Variants in FILIP1L observed in about 807,000 individuals in gnomAD.
FILIP1L encodes the protein filamin A-interacting protein 1-like.
A neutral mutation model predicts 96.6 loss-of-function variants in FILIP1L; 55 were observed. The ratio of observed to expected loss-of-function variants is 0.57; its 90% CI spans 0.46 to 0.71. FILIP1L has a LOEUF of 0.71. Among genes scored for constraint, FILIP1L ranks in the 30% least tolerant of loss-of-function variants. The pLI, the probability that FILIP1L is intolerant of heterozygous loss-of-function variation, is 0.00. For synonymous variants in FILIP1L, 467 were observed against 473.9 expected (o/e 0.99, Z 0.19); for missense variants, 1,304 against 1,321.2 (o/e 0.99, Z 0.20).
intron 1 of FILIP1L, among the ~76,000 whole-genome samples, chr3:100,043,714 T>G (rs569394962): frequency 8.5e-5 from 13 of 152,362 alleles, no homozygotes; most frequent in African/African-American, 2.9e-4. Flanking sequence ...ATTTAGGGGA[T>G]ACAATGTGAT....
intron 4 of FILIP1L, among the ~76,000 whole-genome samples, chr3:99,912,763 A>G (rs1706832749): frequency 6.6e-6 from 1 of 152,178 alleles, no homozygotes; most frequent in Admixed American, 6.5e-5. Flanking sequence ...GTTGATGGAC[A>G]TTTGGGTTGT....
chr3:100,060,739 G>A (rs2107343446), intron 1 of FILIP1L, among the ~76,000 whole-genome samples: 1 of 152,208 alleles, frequency 6.6e-6, no homozygotes, highest in South Asian at 2.1e-4. Flanking sequence ...GTGTGTGCCT[G>A]TAGTCCCAGC....
At chr3:99,977,602 C>A (rs990463345) in intron 1 of FILIP1L, among the ~76,000 whole-genome samples, 11 of 151,948 alleles carry the variant, frequency 7.2e-5, no homozygotes, top group Admixed American at 7.2e-4. Context: ...ATTTCAACAA[C>A]AAAAAAATTA....
chr3:99,966,498 C>T (rs1311923422), intron 1 of FILIP1L, among the ~76,000 whole-genome samples: 2 of 152,096 alleles, frequency 1.3e-5, no homozygotes, highest in Non-Finnish European at 2.9e-5. Flanking sequence ...TTGTGCAGAG[C>T]CCCGTCAAAA....
intron 1 of FILIP1L, among the ~76,000 whole-genome samples, chr3:100,062,445 C>A (rs1473935436): frequency 1.3e-5 from 2 of 152,060 alleles, no homozygotes; most frequent in Admixed American, 6.5e-5. Context: ...ATTTTGAGCC[C>A]TTTAAGCCTT....
intron 1 of FILIP1L, among the ~76,000 whole-genome samples, chr3:100,017,138 GT>G (rs1170970756): frequency 6.6e-6 from 1 of 152,054 alleles, no homozygotes; most frequent in Non-Finnish European, 1.5e-5. Context: ...GAAAATGTTT[GT>G]CATCAAAAAT....
intron 1 of FILIP1L, among the ~76,000 whole-genome samples, chr3:99,983,478 A>ATGTGTATGTG (rs1265189911): frequency 5.9e-4 from 13 of 22,136 alleles, no homozygotes; most frequent in Admixed American, 2.6e-3. Flanking sequence ...ATATATATAT[A>ATGTGTATGTG]TATATATATA....
At chr3:100,030,168 T>A (rs561685773) in intron 1 of FILIP1L, among the ~76,000 whole-genome samples, 1 of 152,276 alleles carries the variant, frequency 6.6e-6, no homozygotes, top group East Asian at 1.9e-4. Flanking sequence ...AGGACTGAAA[T>A]TGGAATTTGG....
At chr3:99,983,389 A>AATATATATATATATATAT (rs397990626) in intron 1 of FILIP1L, among the ~76,000 whole-genome samples, 1 of 40,786 alleles carries the variant, frequency 2.5e-5, no homozygotes, top group African/African-American at 1.0e-4. Flanking sequence ...TAAATAAATA[A>AATATATATATATATATAT]ATATATATAT....
intron 1 of FILIP1L, among the ~76,000 whole-genome samples, chr3:100,100,799 A>G (rs2066290559): frequency 1.3e-5 from 2 of 152,200 alleles, no homozygotes; most frequent in South Asian, 2.1e-4. Context: ...GCCTTGCTGC[A>G]TATTCTGGTG....
intron 3 of FILIP1L, among the ~76,000 whole-genome samples, chr3:99,925,292 C>G (rs1707255975): frequency 6.6e-6 from 1 of 152,184 alleles, no homozygotes; most frequent in East Asian, 1.9e-4. Context: ...TTTCACAGCA[C>G]TATACTTACA....
rs1442427209 is a variant in FILIP1L, at chr3:99,983,446, GTA to G, written c.-10-52418_-10-52417del. The stretch of plus-strand genomic sequence containing the variant: ...TATGTATGTATGTATATATATGTAT[GTA>G]TATATATATATGTGTGTATATATAT... On this transcript the variant is annotated intron_variant, in intron 1 of 5. Coordinates refer to ENST00000477258, the MANE Select transcript of FILIP1L (RefSeq NM_001387850.1). Among the ~76,000 whole-genome samples the G allele has an allele frequency of 1.2e-3, 109 of 87,778 alleles. 2 individuals carry two copies. Among genetic ancestry groups the G allele is most frequent in the Admixed American group, 4.1e-3 (31 of 7,528 alleles). The allele number at this position is 87,778 out of a possible 152,430, so 57.6% of individuals were successfully genotyped here.
At chr3:100,067,403 A>C (rs1317857511) in intron 1 of FILIP1L, among the ~76,000 whole-genome samples, 1 of 152,156 alleles carries the variant, frequency 6.6e-6, no homozygotes, top group Admixed American at 6.5e-5. Flanking sequence ...TATATATAAG[A>C]AAGGTGGAGG....
chr3:99,935,400 A>T (rs1285452084), intron 1 of FILIP1L, among the ~76,000 whole-genome samples: 1 of 152,172 alleles, frequency 6.6e-6, no homozygotes. Flanking sequence ...ACACAGCCTA[A>T]TGTGTTGTTA....
At chr3:100,042,883 T>C (rs1444680750) in intron 1 of FILIP1L, among the ~76,000 whole-genome samples, 1 of 152,212 alleles carries the variant, frequency 6.6e-6, no homozygotes, top group Non-Finnish European at 1.5e-5. Context: ...AGAGCCAAAG[T>C]TCCCAGACCT....
At chr3:100,024,497 C>G (rs2064882317) in intron 1 of FILIP1L, among the ~76,000 whole-genome samples, 1 of 152,106 alleles carries the variant, frequency 6.6e-6, no homozygotes, top group African/African-American at 2.4e-5. Flanking sequence ...TTTATCAGGT[C>G]TCCTTAGACT....
At chr3:100,110,350 T>C (rs2066469936) in intron 1 of FILIP1L, among the ~76,000 whole-genome samples, 1 of 152,100 alleles carries the variant, frequency 6.6e-6, no homozygotes, top group South Asian at 2.1e-4. Context: ...CTGTATTTTT[T>C]TGTTTCAGGG....
intron 1 of FILIP1L, among the ~76,000 whole-genome samples, chr3:100,039,577 G>A (rs1296815614): frequency 6.6e-6 from 1 of 152,060 alleles, no homozygotes; most frequent in African/African-American, 2.4e-5. Context: ...TACCAAATAA[G>A]ATCTAGGAAA....
At chr3:100,004,368 G>A (rs1709928967) in intron 1 of FILIP1L, among the ~76,000 whole-genome samples, 1 of 152,144 alleles carries the variant, frequency 6.6e-6, no homozygotes, top group Admixed American at 6.5e-5. Context: ...TGACAGGTTG[G>A]AAGGATTAAT....
Sources: allele counts gnomAD v4.1 joint callset (sites outside exome capture counted in the v4.1 genomes callset), GRCh38; gene constraint gnomAD v4.1.1; transcripts MANE v1.5; gene names NCBI Gene and HGNC (gene_info 2026-07-23, HGNC 2026-07-21).